Variants in NFATC3 observed in about 807,000 individuals in gnomAD.
NFATC3 encodes nuclear factor of activated T-cells, cytoplasmic 3.
A neutral mutation model predicts 98.6 loss-of-function variants in NFATC3; 46 were observed. That is an observed-to-expected ratio of 0.47 (90% confidence interval 0.37 to 0.60). NFATC3 has a LOEUF of 0.60. NFATC3 is among the 20% of genes least tolerant of loss of function. The pLI is 0.00. For missense variants in NFATC3, 1,256 were observed against 1,295.5 expected (o/e 0.97, Z 0.47); for synonymous variants, 512 against 472.2 (o/e 1.08, Z -1.09).
intron 3 of NFATC3, 107 bp downstream of exon 3, chr16:68,126,717 T>A: frequency 9.4e-7 from 1 of 1,067,048 alleles, no homozygotes; most frequent in Non-Finnish European, 1.3e-6. Flanking sequence ...AACTCAAAAC[T>A]AGAGAGCCTC....
intron 1 of NFATC3, among the ~76,000 whole-genome samples, chr16:68,104,182 A>G (rs2151467749): frequency 6.6e-6 from 1 of 152,292 alleles, no homozygotes; most frequent in South Asian, 2.1e-4. Context: ...CTTACCACTT[A>G]TTTAGGTCTT....
rs1037600411 is a variant in NFATC3 at position 68,135,224 on chromosome 16, C to T, written c.1401+8614C>T. Among the ~76,000 whole-genome samples, 17 of 151,888 alleles carry T rather than the reference C, an allele frequency of 1.1e-4. No homozygotes were observed. The East Asian group carries it at 2.3e-3, about 21-fold the overall frequency. ...ATGTAATCCCAGCAATATGGGAGGC[C>T]GAGATGGACGGATCATAAGGTCAGG... On this transcript the variant is annotated intron_variant, in intron 3 of 9. Coordinates refer to ENST00000346183, the MANE Select transcript of NFATC3 (RefSeq NM_173165.3).
Position 68,177,334 on chromosome 16 carries a change from A to G in NFATC3, c.1915+2820A>G, listed in dbSNP as rs545829467. On this transcript the variant is annotated intron_variant, in intron 6 of 9. Transcript: ENST00000346183. ...CCAAAGTCCTTGGATTACAGGCGTGAGCCTATGTGCCCGCCTGGTCATATA... is the reference window on the plus strand; with the variant it reads ...CCAAAGTCCTTGGATTACAGGCGTGGGCCTATGTGCCCGCCTGGTCATATA... Among the ~76,000 whole-genome samples the G allele has an allele frequency of 1.2e-4, 18 of 152,242 alleles. No homozygotes were observed. The East Asian group carries it at 3.5e-3, about 29-fold the overall frequency.
At chr16:68,213,299 C>T (rs2041495808) in intron 9 of NFATC3, among the ~76,000 whole-genome samples, 1 of 150,950 alleles carries the variant, frequency 6.6e-6, no homozygotes, top group African/African-American at 2.4e-5. Context: ...CCTGTGGTCC[C>T]AGGTACTCAG....
intron 9 of NFATC3, chr16:68,218,050 G>C: frequency 9.2e-7 from 1 of 1,081,088 alleles, no homozygotes; most frequent in Non-Finnish European, 1.1e-6. Context: ...AATATTTTTT[G>C]GTTTTTCCCT....
intron 9 of NFATC3, among the ~76,000 whole-genome samples, chr16:68,203,624 C>A (rs924764950): frequency 6.6e-6 from 1 of 152,038 alleles, no homozygotes; most frequent in Non-Finnish European, 1.5e-5. Context: ...CAGAGTGAGA[C>A]CCTGTCTCAA....
intron 5 of NFATC3, among the ~76,000 whole-genome samples, chr16:68,171,818 C>G (rs1459432465): frequency 1.3e-5 from 2 of 149,954 alleles, no homozygotes; most frequent in African/African-American, 4.9e-5. Context: ...GATGGAGTCT[C>G]GCTGTTTCGC....
chr16:68,132,889 T>C lies in NFATC3; in HGVS notation c.1401+6279T>C, dbSNP rs375379038. 1.4e-3 allele frequency among the ~76,000 whole-genome samples: 211 copies of C among 152,162 alleles called. 3 individuals carry two copies. The highest frequency in any genetic ancestry group is 4.8e-3 in the African/African-American group (199 of 41,532). ...TGAGGGAAGTAAGGATGGGGAGAAG[T>C]TGGTCAATGGATACAAAATTACAGC... On this transcript the variant is annotated intron_variant, in intron 3 of 9. Coordinates refer to ENST00000346183, the MANE Select transcript of NFATC3 (RefSeq NM_173165.3).
At chr16:68,183,742 G>A (rs1235321236) in intron 8 of NFATC3, among the ~76,000 whole-genome samples, 2 of 152,136 alleles carry the variant, frequency 1.3e-5, no homozygotes, top group African/African-American at 2.4e-5. Context: ...AGTGGCTCAT[G>A]CCTGTAATCC....
At chr16:68,121,242 CTTT>C (rs753615194) in intron 1 of NFATC3, among the ~76,000 whole-genome samples, 1 of 102,392 alleles carries the variant, frequency 9.8e-6, no homozygotes, top group Non-Finnish European at 2.0e-5. Flanking sequence ...CTTTTCTTTT[CTTT>C]TTTTTTTTTT....
At position 68,131,369 on chromosome 16, in the gene NFATC3, C is replaced by T. The variant is rs574117721; in HGVS notation, c.1401+4759C>T. On this transcript the variant is annotated intron_variant, in intron 3 of 9. Transcript: ENST00000346183. ...ATTGGCTCACTGCAGCCTCTGCCTT[C>T]CGGGTTCAGGTGATTCTTCTGCCTC... Among the ~76,000 whole-genome samples the T allele has an allele frequency of 2.6e-5, 4 of 152,238 alleles. No individual in the cohort carries two copies. In the East Asian group the frequency reaches 7.7e-4, roughly 29 times the overall value.
intron 1 of NFATC3, among the ~76,000 whole-genome samples, chr16:68,091,910 G>T (rs1401405423): frequency 6.6e-6 from 1 of 152,178 alleles, no homozygotes; most frequent in African/African-American, 2.4e-5. Flanking sequence ...TAAGAGGAGT[G>T]AGTTTGTTCA....
intron 5 of NFATC3, among the ~76,000 whole-genome samples, chr16:68,169,277 T>A (rs1020540523): frequency 1.3e-5 from 2 of 152,268 alleles, no homozygotes; most frequent in African/African-American, 4.8e-5. Context: ...AAGTTATTAA[T>A]TCATTTATTT....
At chr16:68,151,961 T>C (rs113879510) in intron 3 of NFATC3, among the ~76,000 whole-genome samples, 1,984 of 150,682 alleles carry the variant, frequency 0.013, 43 homozygotes, top group African/African-American at 0.045. Context: ...CCCAGTTACT[T>C]GGAAGGCTGA....
At position 68,085,626 on chromosome 16, in the gene NFATC3, TTGCCGC is replaced by T; in HGVS notation, c.-49_-44del. On this transcript the variant is annotated 5_prime_UTR_variant, in exon 1 of 10. Transcript: ENST00000346183. ...GGCGTTGAGGAGCTGCTGCCGCCGC[TTGCCGC>T]TGCCGCCGCCGCCGCCTGAGGAGGA... 1 of 1,442,478 alleles carries T rather than the reference TTGCCGC, an allele frequency of 6.9e-7. No homozygotes were observed. The highest frequency in any genetic ancestry group is 9.2e-7 in the Non-Finnish European group (1 of 1,089,414). The allele number at this position is 1,442,478 out of a possible 1,614,324, so 89.4% of individuals were successfully genotyped here.
chr16:68,135,882 G>T (rs947094961), intron 3 of NFATC3, among the ~76,000 whole-genome samples: 2 of 151,834 alleles, frequency 1.3e-5, no homozygotes, highest in African/African-American at 4.8e-5. Context: ...GGGCAACACC[G>T]TGAAACCCCC....
At position 68,221,430 on chromosome 16, in the gene NFATC3, AT is replaced by A. The variant is rs1388404069; in HGVS notation, c.3107-4917del. The A allele has an allele frequency of 2.8e-6, 4 of 1,412,622 alleles. No individual in the cohort carries two copies. In the East Asian group the frequency reaches 1.0e-4, roughly 36 times the overall value. The allele number at this position is 1,412,622 out of a possible 1,614,324, so 87.5% of individuals were successfully genotyped here. ...TGCAGTTCTGACTCCCTAGCCTAAA[AT>A]TTATATTCAGTGCTCACCTGTAGCA... On this transcript the variant is annotated intron_variant, in intron 9 of 9. Transcript: ENST00000346183.
intron 1 of NFATC3, among the ~76,000 whole-genome samples, chr16:68,108,517 T>C (rs1198624893): frequency 6.6e-6 from 1 of 152,240 alleles, no homozygotes; most frequent in African/African-American, 2.4e-5. Flanking sequence ...ACGTGATGCC[T>C]CTAGCTGTGT....
intron 4 of NFATC3, among the ~76,000 whole-genome samples, chr16:68,162,147 C>G (rs943992476): frequency 1.3e-5 from 2 of 152,172 alleles, no homozygotes; most frequent in Non-Finnish European, 2.9e-5. Context: ...CTGCTCTGTA[C>G]TGGTAGATTG....
Sources: gnomAD v4.1 joint callset for allele counts (sites outside exome capture counted in the v4.1 genomes callset) on GRCh38, gnomAD v4.1.1 for gene constraint, MANE v1.5 for transcripts, NCBI Gene and HGNC (gene_info 2026-07-23, HGNC 2026-07-21) for gene names.